The following MASP1 variants were observed in gnomAD, a reference collection of about 807,000 sequenced individuals.
MASP1 encodes mannan-binding lectin serine protease 1.
A neutral mutation model predicts 77.1 loss-of-function variants in MASP1; 59 were observed. The ratio of observed to expected loss-of-function variants is 0.77; its 90% CI spans 0.62 to 0.95. The LOEUF is 0.95. MASP1 is among the 40% of genes least tolerant of loss of function. The pLI, the probability that MASP1 is intolerant of heterozygous loss-of-function variation, is 0.00. For missense variants in MASP1, 885 were observed against 912.9 expected, an observed-to-expected ratio of 0.97 and a Z score of 0.39; for synonymous variants, 362 against 354.5, an observed-to-expected ratio of 1.02 and a Z score of -0.24.
At chr3:187,233,539 A>G (rs1050935380), downstream of MASP1, among the ~76,000 whole-genome samples, 3 of 152,170 alleles carry the variant, frequency 2.0e-5, no homozygotes, top group African/African-American at 7.2e-5. Flanking sequence ...CCTTTTGCCT[A>G]TATAAGACCT....
intron 2 of MASP1, among the ~76,000 whole-genome samples, chr3:187,265,623 T>A (rs1715956345): frequency 6.6e-6 from 1 of 152,142 alleles, no homozygotes; most frequent in East Asian, 1.9e-4. Context: ...GGGCGGGACC[T>A]TTAAGAGCTA....
Position 187,291,273 on chromosome 3 carries a change from C to T in MASP1, c.5+355G>A, listed in dbSNP as rs560180939. 6.6e-3 allele frequency: 2,727 copies of T among 412,000 alleles called. 16 individuals carry two copies. Among genetic ancestry groups the T allele is most frequent in the Non-Finnish European group, 1.0e-2 (2,162 of 216,854 alleles). 25.5% of individuals were successfully genotyped at this position (412,000 alleles called of 1,614,324 possible). A position where few individuals can be genotyped will look rare whatever the true frequency, so the allele number is the denominator to read the frequency against. On this transcript the variant is annotated intron_variant, in intron 1 of 10. Coordinates refer to ENST00000296280, the MANE Select transcript of MASP1 (RefSeq NM_139125.4). ...GTGCTGGAAGAGAGAAAGCAATGCT[C>T]TTTCCAGAGGAGGAACACGGAAAAA... is the stretch of plus-strand genomic sequence containing the variant.
At chr3:187,283,658 T>A (rs1717612185) in intron 2 of MASP1, among the ~76,000 whole-genome samples, 1 of 152,222 alleles carries the variant, frequency 6.6e-6, no homozygotes, top group African/African-American at 2.4e-5. Context: ...CTATTGGCAC[T>A]GACAAAATTT....
intron 2 of MASP1, among the ~76,000 whole-genome samples, chr3:187,284,794 G>T (rs748650507): frequency 6.6e-6 from 1 of 152,164 alleles, no homozygotes; most frequent in Non-Finnish European, 1.5e-5. Context: ...CTTTACCTGT[G>T]AAATGGGGTC....
intron 1 of MASP1, among the ~76,000 whole-genome samples, chr3:187,287,176 T>C (rs968275884): frequency 6.6e-6 from 1 of 152,220 alleles, no homozygotes; most frequent in Non-Finnish European, 1.5e-5. Flanking sequence ...GTCTGCAGGG[T>C]AAAGCGTCTG....
At chr3:187,269,986 C>T (rs1405579672) in intron 2 of MASP1, among the ~76,000 whole-genome samples, 4 of 152,218 alleles carry the variant, frequency 2.6e-5, no homozygotes, top group African/African-American at 9.6e-5. Flanking sequence ...GCACATTTCA[C>T]ATATGCAAAG....
At chr3:187,229,013 G>A (rs1712606475) in intron 11 of MASP1, among the ~76,000 whole-genome samples, 6 of 152,194 alleles carry the variant, frequency 3.9e-5, no homozygotes, top group Admixed American at 3.9e-4. Context: ...GCAGAGATGG[G>A]CCAAGCCGGG....
intron 2 of MASP1, among the ~76,000 whole-genome samples, chr3:187,278,163 G>C (rs994713183): frequency 6.6e-6 from 1 of 152,202 alleles, no homozygotes; most frequent in Non-Finnish European, 1.5e-5. Flanking sequence ...CCATTTTACA[G>C]ATGGAGAAGA....
chr3:187,226,344 C>A (rs1712426408), intron 12 of MASP1: 4 of 1,223,044 alleles, frequency 3.3e-6, no homozygotes, highest in Admixed American at 2.0e-5. Flanking sequence ...TTGGAAAGGG[C>A]CAGTAGGTCA....
At chr3:187,247,001 T>C (rs1329854107) in intron 8 of MASP1, 2 of 1,245,962 alleles carry the variant, frequency 1.6e-6, no homozygotes, top group Non-Finnish European at 2.0e-6. Context: ...CATGGTTGTA[T>C]ATTAAATCTT....
rs560666038 is a variant in MASP1 at position 187,248,926 on chromosome 3, A to T, written c.1090+1325T>A. ...TTAAGGGAATGTCCCCCTTGGGACA[A>T]TGGCAGGAGATTTGTCTGCCTGCTG... On this transcript the variant is annotated intron_variant, in intron 8 of 10. Transcript: ENST00000296280. Among the ~76,000 whole-genome samples the T allele has an allele frequency of 2.6e-5, 4 of 152,348 alleles. No individual in the cohort carries two copies. The South Asian group carries it at 8.3e-4, about 32-fold the overall frequency.
chr3:187,270,702 T>C (rs1158678247), intron 2 of MASP1, among the ~76,000 whole-genome samples: 1 of 152,182 alleles, frequency 6.6e-6, no homozygotes, highest in Non-Finnish European at 1.5e-5. Flanking sequence ...CTTTCACATG[T>C]GGAATACTGC....
chr3:187,220,152 C>T, exon 16 of MASP1: 1 of 1,614,176 alleles, frequency 6.2e-7, no homozygotes, highest in Non-Finnish European at 8.5e-7. Context: ...GGTCCTTCTT[C>T]CCACAGTCAT....
At chr3:187,262,432 A>G in intron 3 of MASP1, 111 bp downstream of exon 3, 1 of 1,065,284 alleles carries the variant, frequency 9.4e-7, no homozygotes. Flanking sequence ...TTAATGGTAA[A>G]ATCTATGTGG....
At position 187,235,581 on chromosome 3, in the gene MASP1, G is replaced by A. The variant is rs927595119; in HGVS notation, c.*103C>T. 2 of 1,584,262 alleles carry A rather than the reference G, an allele frequency of 1.3e-6. No individual in the cohort carries two copies. Among genetic ancestry groups the A allele is most frequent in the Non-Finnish European group, 1.7e-6 (2 of 1,173,152 alleles). Reference sequence around the variant, plus strand: ...GGTAGGAGAAGCCACCGCTAGGTCAGTGTGTTCCATTCCATATGGTCTGAT... The same window carrying A: ...GGTAGGAGAAGCCACCGCTAGGTCAATGTGTTCCATTCCATATGGTCTGAT... On this transcript the variant is annotated 3_prime_UTR_variant, in exon 11 of 11. Coordinates refer to ENST00000296280, the MANE Select transcript of MASP1 (RefSeq NM_139125.4).
chr3:187,250,392 T>C, intron 7 of MASP1, 63 bp from the exon 8 acceptor site: 1 of 1,277,134 alleles, frequency 7.8e-7, no homozygotes, highest in Non-Finnish European at 1.1e-6. Context: ...AGGGGTTTTT[T>C]CCTAGCAAAA....
chr3:187,225,381 G>C (rs948366612), exon 13 of MASP1: 9 of 1,614,034 alleles, frequency 5.6e-6, no homozygotes, highest in Non-Finnish European at 6.8e-6. Flanking sequence ...TTCAGCACTG[G>C]GCTCTCCAAC....
At chr3:187,229,287 C>T (rs1712625846), downstream of MASP1, among the ~76,000 whole-genome samples, 1 of 152,144 alleles carries the variant, frequency 6.6e-6, no homozygotes, top group Admixed American at 6.5e-5. Context: ...GAGGCTATGC[C>T]TTCTCTCCCC....
At chr3:187,220,593 G>A (rs1711998642) in intron 15 of MASP1, among the ~76,000 whole-genome samples, 1 of 150,992 alleles carries the variant, frequency 6.6e-6, no homozygotes, top group South Asian at 2.1e-4. Context: ...TACCTCCTGG[G>A]TTCAAGTGAT....
Sources: gnomAD v4.1 joint callset for allele counts (sites outside exome capture counted in the v4.1 genomes callset) on GRCh38, gnomAD v4.1.1 for gene constraint, MANE v1.5 for transcripts, NCBI Gene and HGNC (gene_info 2026-07-23, HGNC 2026-07-21) for gene names.